The following DIS3L2 variants were observed in gnomAD, a reference collection of about 807,000 sequenced individuals.
The protein encoded by DIS3L2 is DIS3-like exonuclease 2.
A neutral mutation model predicts 97.5 loss-of-function variants in DIS3L2; 34 were observed. That is an observed-to-expected ratio of 0.35 (90% CI 0.27 to 0.46). The LOEUF (loss-of-function observed/expected upper bound fraction) is 0.46. Ranked by LOEUF, DIS3L2 falls within the 20% of genes least tolerant of loss-of-function variation. DIS3L2 has a pLI of 1.00. For synonymous variants in DIS3L2, 435 were observed against 445.2 expected (o/e 0.98, Z 0.29); for missense variants, 1,038 against 1,146.0 (o/e 0.91, Z 1.36).
chr2:232,270,003 T>C (rs1693943851), intron 13 of DIS3L2, among the ~76,000 whole-genome samples: 1 of 151,462 alleles, frequency 6.6e-6, no homozygotes, highest in African/African-American at 2.4e-5. Context: ...GGGAAGAAAA[T>C]CGACAAGCCT....
chr2:232,133,181 CTT>C (rs1698266767), intron 7 of DIS3L2, among the ~76,000 whole-genome samples: 1 of 152,200 alleles, frequency 6.6e-6, no homozygotes, highest in Non-Finnish European at 1.5e-5. Flanking sequence ...TGGGAAGCCT[CTT>C]TGTCCTTGCA....
intron 12 of DIS3L2, among the ~76,000 whole-genome samples, chr2:232,258,598 C>CAAA (rs35525137): frequency 4.7e-4 from 35 of 74,488 alleles, no homozygotes; most frequent in East Asian, 9.0e-4. Context: ...GACTCTGTCT[C>CAAA]AAAAAAAAAA....
intron 5 of DIS3L2, among the ~76,000 whole-genome samples, chr2:232,036,498 C>A (rs1451386781): frequency 6.6e-6 from 1 of 152,072 alleles, no homozygotes; most frequent in Non-Finnish European, 1.5e-5. Context: ...TTGTTATTAC[C>A]CACTTTCTGA....
chr2:232,166,295 C>T (rs185263902), intron 9 of DIS3L2, among the ~76,000 whole-genome samples: 1 of 151,504 alleles, frequency 6.6e-6, no homozygotes, highest in Admixed American at 6.5e-5. Context: ...CTGCAGAAAG[C>T]CTTTGTTAAA....
chr2:232,031,422 G>A (rs151101226), intron 5 of DIS3L2, among the ~76,000 whole-genome samples: 1 of 151,810 alleles, frequency 6.6e-6, no homozygotes, highest in Admixed American at 6.6e-5. Context: ...AGTACAGGTA[G>A]GAAAAGACAG....
intron 5 of DIS3L2, among the ~76,000 whole-genome samples, chr2:232,069,421 A>G (rs1033555354): frequency 2.0e-5 from 3 of 152,226 alleles, no homozygotes; most frequent in African/African-American, 7.2e-5. Flanking sequence ...GTAGTGTTCT[A>G]TGAATAAAAA....
intron 9 of DIS3L2, among the ~76,000 whole-genome samples, chr2:232,208,413 C>T (rs1220113486): frequency 5.9e-5 from 9 of 151,946 alleles, no homozygotes; most frequent in African/African-American, 1.9e-4. Context: ...CGGGTTCAAA[C>T]AATTTTCCTG....
At chr2:231,963,054 TG>T (rs1265527443) in intron 1 of DIS3L2, among the ~76,000 whole-genome samples, 1 of 152,194 alleles carries the variant, frequency 6.6e-6, no homozygotes, top group Non-Finnish European at 1.5e-5. Flanking sequence ...CAACTGCATA[TG>T]TCTTTTTGGT....
At position 232,136,813 on chromosome 2, in the gene DIS3L2, T is replaced by C. The variant is rs888550125; in HGVS notation, c.950+94T>C. 15 of 1,473,012 alleles carry C rather than the reference T, an allele frequency of 1.0e-5. No individual in the cohort carries two copies. In the African/African-American group the frequency reaches 2.1e-4, roughly 21 times the overall value. The allele number at this position is 1,473,012 out of a possible 1,614,324, so 91.2% of individuals were successfully genotyped here. On this transcript the variant is annotated intron_variant, in intron 8 of 20. Transcript: ENST00000325385. ...ACTTTTTGTGTATTTTAATTATTAT[T>C]TCTTTATTGAAGCACGGTTTCTGGT... is the stretch of plus-strand genomic sequence containing the variant.
chr2:232,329,789 T>TCCCCCCCCCCCCCC, intron 14 of DIS3L2, 24 bp from the exon 15 acceptor site: 2 of 368,622 alleles, frequency 5.4e-6, no homozygotes, highest in Non-Finnish European at 5.1e-6. Flanking sequence ...CAGCGGTCCC[T>TCCCCCCCCCCCCCC]CCCATCCCAC....
intron 9 of DIS3L2, among the ~76,000 whole-genome samples, chr2:232,189,208 A>AT (rs1485679424): frequency 1.3e-5 from 2 of 152,212 alleles, no homozygotes; most frequent in Non-Finnish European, 2.9e-5. Context: ...ACAACCCGGT[A>AT]ATTGCACTCC....
At chr2:232,329,684 T>C in intron 14 of DIS3L2, 129 bp from the exon 15 acceptor site, 1 of 924,534 alleles carries the variant, frequency 1.1e-6, no homozygotes. Context: ...ATGAGGTAGC[T>C]GGGAGGTTGT....
At chr2:232,011,006 A>T (rs2106215779) in intron 1 of DIS3L2, among the ~76,000 whole-genome samples, 1 of 152,352 alleles carries the variant, frequency 6.6e-6, no homozygotes, top group Middle Eastern at 3.4e-3. Context: ...TTCACCCAGA[A>T]GCCTTCTTCA....
intron 6 of DIS3L2, among the ~76,000 whole-genome samples, chr2:232,109,658 A>G (rs77439557): frequency 0.026 from 3,931 of 152,194 alleles, 71 homozygotes; most frequent in Non-Finnish European, 0.043. Context: ...TGGTGCTGGG[A>G]GAACTGGCAG....
At chr2:232,000,311 C>T (rs1693841083) in intron 1 of DIS3L2, among the ~76,000 whole-genome samples, 1 of 152,084 alleles carries the variant, frequency 6.6e-6, no homozygotes, top group South Asian at 2.1e-4. Flanking sequence ...TGACTGTATA[C>T]AATATATTGT....
intron 4 of DIS3L2, among the ~76,000 whole-genome samples, chr2:232,025,790 A>G (rs1229992642): frequency 6.6e-6 from 1 of 152,226 alleles, no homozygotes; most frequent in Non-Finnish European, 1.5e-5. Flanking sequence ...TTGGAGACGG[A>G]TAAACCATCT....
chr2:232,252,277 C>T (rs897059888), intron 12 of DIS3L2, among the ~76,000 whole-genome samples: 29 of 152,112 alleles, frequency 1.9e-4, no homozygotes, highest in Admixed American at 1.2e-3. Context: ...GGCCTGGTGG[C>T]GGGCACCTAT....
At chr2:232,253,246 A>G (rs948976669) in intron 12 of DIS3L2, among the ~76,000 whole-genome samples, 7 of 152,264 alleles carry the variant, frequency 4.6e-5, no homozygotes, top group Admixed American at 2.6e-4. Flanking sequence ...TTGGAGTGCA[A>G]TAGCCACAGG....
intron 14 of DIS3L2, among the ~76,000 whole-genome samples, chr2:232,322,280 C>T (rs553889336): frequency 3.3e-5 from 5 of 152,338 alleles, no homozygotes; most frequent in African/African-American, 1.2e-4. Flanking sequence ...GCAAGCCCTT[C>T]GAGCTCACTG....
Sources: allele counts gnomAD v4.1 joint callset (sites outside exome capture counted in the v4.1 genomes callset), GRCh38; gene constraint gnomAD v4.1.1; transcripts MANE v1.5; gene names NCBI Gene and HGNC (gene_info 2026-07-23, HGNC 2026-07-21).